Variants in MALRD1 observed in about 807,000 individuals in gnomAD.
MALRD1 encodes MAM and LDL receptor class A domain containing 1.
In MALRD1, 247 loss-of-function variants were observed where a neutral mutation model predicts 242.1. That is an observed-to-expected ratio of 1.02 (90% confidence interval 0.92 to 1.13). The LOEUF (loss-of-function observed/expected upper bound fraction) is 1.13. Among genes scored for constraint, MALRD1 ranks in the 50% most tolerant of loss-of-function variants. The pLI, the probability that MALRD1 is intolerant of heterozygous loss-of-function variation, is 0.00. For synonymous variants in MALRD1, 995 were observed against 866.6 expected (o/e 1.15, Z -2.60); for missense variants, 2,989 against 2,533.1 (o/e 1.18, Z -3.86).
intron 28 of MALRD1, among the ~76,000 whole-genome samples, chr10:19,406,423 C>T (rs942342744): frequency 2.0e-5 from 3 of 152,096 alleles, no homozygotes; most frequent in Non-Finnish European, 2.9e-5. Context: ...TGTTTATTCT[C>T]ACACATTGTC....
At chr10:19,074,977 G>C (rs1835272260) in intron 2 of MALRD1, among the ~76,000 whole-genome samples, 1 of 151,890 alleles carries the variant, frequency 6.6e-6, no homozygotes, top group Admixed American at 6.6e-5. Context: ...TGTCAAATGA[G>C]GGTGACCATG....
chr10:19,301,699 C>A (rs1446242800), intron 21 of MALRD1, among the ~76,000 whole-genome samples: 1 of 151,350 alleles, frequency 6.6e-6, no homozygotes, highest in African/African-American at 2.4e-5. Context: ...ACAACAGTCA[C>A]CGGGACCTTC....
intron 21 of MALRD1, among the ~76,000 whole-genome samples, chr10:19,312,400 A>ATATATATATATG (rs1491220851): frequency 5.8e-4 from 84 of 143,628 alleles, no homozygotes; most frequent in African/African-American, 2.1e-3. Flanking sequence ...ATATATATAT[A>ATATATATATATG]TGTGTATATG....
intron 26 of MALRD1, among the ~76,000 whole-genome samples, chr10:19,371,149 G>C (rs1436290559): frequency 1.3e-5 from 2 of 150,282 alleles, no homozygotes; most frequent in African/African-American, 2.4e-5. Flanking sequence ...TGTCGTCCCA[G>C]CTCTCAGGAG....
chr10:19,636,548 T>G (rs1244554031), intron 36 of MALRD1, among the ~76,000 whole-genome samples: 1 of 152,104 alleles, frequency 6.6e-6, no homozygotes, highest in Admixed American at 6.5e-5. Context: ...TAAATATGTA[T>G]AGTAAAAATT....
chr10:19,500,006 G>C (rs1473484628), intron 31 of MALRD1, among the ~76,000 whole-genome samples: 1 of 152,062 alleles, frequency 6.6e-6, no homozygotes, highest in African/African-American at 2.4e-5. Context: ...TGGTGGATTT[G>C]GTTTTCAAGT....
At chr10:19,497,738 C>T (rs1237148563) in intron 30 of MALRD1, among the ~76,000 whole-genome samples, 2 of 152,132 alleles carry the variant, frequency 1.3e-5, no homozygotes, top group African/African-American at 2.4e-5. Flanking sequence ...ATCACCCAGT[C>T]ATTCATTCTG....
intron 19 of MALRD1, among the ~76,000 whole-genome samples, chr10:19,273,579 T>C (rs1420644226): frequency 6.6e-6 from 1 of 152,128 alleles, no homozygotes; most frequent in East Asian, 1.9e-4. Flanking sequence ...CAAGCTGAGA[T>C]ATGAAGGAAA....
intron 32 of MALRD1, among the ~76,000 whole-genome samples, chr10:19,548,043 C>T (rs776343596): frequency 8.0e-4 from 108 of 134,612 alleles, no homozygotes; most frequent in African/African-American, 1.4e-3. Flanking sequence ...TCTTGTTGGC[C>T]GGGCTGGAGT....
chr10:19,290,874 T>A (rs1405374885), intron 21 of MALRD1, among the ~76,000 whole-genome samples: 1 of 152,172 alleles, frequency 6.6e-6, no homozygotes, highest in Non-Finnish European at 1.5e-5. Context: ...CCTCTCAGTT[T>A]GTGATTTTAT....
At chr10:19,710,833 C>T (rs779859794) in intron 38 of MALRD1, 1 of 152,324 alleles carries the variant, frequency 6.6e-6, no homozygotes, top group Non-Finnish European at 1.5e-5. Flanking sequence ...AAGAAGACAA[C>T]CTTTCAGTCT....
At chr10:19,395,769 A>G (rs959041301) in intron 28 of MALRD1, among the ~76,000 whole-genome samples, 1 of 152,224 alleles carries the variant, frequency 6.6e-6, no homozygotes, top group Non-Finnish European at 1.5e-5. Context: ...GAACATGGCA[A>G]TAATTATTCC....
chr10:19,470,779 A>AT (rs1222272706), intron 29 of MALRD1, among the ~76,000 whole-genome samples: 4 of 38,912 alleles, frequency 1.0e-4, no homozygotes, highest in Non-Finnish European at 1.7e-4. Flanking sequence ...CAAGTTAATT[A>AT]TTATTTTTTT....
intron 32 of MALRD1, among the ~76,000 whole-genome samples, chr10:19,566,526 C>G (rs1836264742): frequency 6.6e-6 from 1 of 151,444 alleles, no homozygotes. Flanking sequence ...AGGGAGGTCA[C>G]TGGAAAAATG....
intron 29 of MALRD1, among the ~76,000 whole-genome samples, chr10:19,467,642 A>G (rs7903313): frequency 6.6e-5 from 10 of 151,346 alleles, no homozygotes; most frequent in South Asian, 4.2e-4. Context: ...CCCTTGAACC[A>G]TACCTTATTC....
At chr10:19,273,204 A>G (rs1840343151) in intron 19 of MALRD1, among the ~76,000 whole-genome samples, 1 of 152,190 alleles carries the variant, frequency 6.6e-6, no homozygotes, top group Non-Finnish European at 1.5e-5. Flanking sequence ...AATTTTCATA[A>G]TTTCCATAAT....
chr10:19,380,963 G>T (rs1287927264), intron 26 of MALRD1, among the ~76,000 whole-genome samples: 8 of 150,782 alleles, frequency 5.3e-5, no homozygotes, highest in African/African-American at 1.5e-4. Flanking sequence ...CAATGTGCAG[G>T]TTAGTTACAT....
chr10:19,122,658 C>T (rs987623241), intron 5 of MALRD1, among the ~76,000 whole-genome samples: 1 of 151,954 alleles, frequency 6.6e-6, no homozygotes, highest in Non-Finnish European at 1.5e-5. Flanking sequence ...GTGGTATGGG[C>T]AGAAAGGACT....
At chr10:19,287,954 G>T (rs1338988039) in intron 21 of MALRD1, among the ~76,000 whole-genome samples, 1 of 152,086 alleles carries the variant, frequency 6.6e-6, no homozygotes, top group Non-Finnish European at 1.5e-5. Context: ...CAGGGAGAAA[G>T]AATGTGTTGG....
Sources: allele counts gnomAD v4.1 joint callset (sites outside exome capture counted in the v4.1 genomes callset), GRCh38; gene constraint gnomAD v4.1.1; transcripts MANE v1.5; gene names NCBI Gene and HGNC (gene_info 2026-07-23, HGNC 2026-07-21).